MARVELD3: variants seen among roughly 807,000 people sequenced by gnomAD.
MARVELD3 encodes the protein MARVEL domain-containing protein 3.
Under a neutral mutation model 33.5 loss-of-function variants are expected in MARVELD3, and 28 were observed. The ratio of observed to expected loss-of-function variants is 0.84; its 90% CI spans 0.62 to 1.15. MARVELD3 has a LOEUF of 1.15. Ranked by LOEUF, MARVELD3 falls within the 50% of genes most tolerant of loss-of-function variation. The pLI is 0.00. For synonymous variants in MARVELD3, 241 were observed against 230.4 expected (o/e 1.05, Z -0.42); for missense variants, 582 against 547.6 (o/e 1.06, Z -0.63).
intron 2 of MARVELD3, among the ~76,000 whole-genome samples, chr16:71,629,834 G>A (rs770441381): frequency 6.6e-6 from 1 of 152,138 alleles, no homozygotes; most frequent in Non-Finnish European, 1.5e-5. Context: ...GGGATCTTCT[G>A]GCGAGGCAGC....
At chr16:71,627,364 C>T (rs1419103718) in intron 1 of MARVELD3, among the ~76,000 whole-genome samples, 1 of 152,086 alleles carries the variant, frequency 6.6e-6, no homozygotes, top group Non-Finnish European at 1.5e-5. Context: ...CTTAGCCAGG[C>T]GTGATGGCAG....
At position 71,629,422 on chromosome 16, in the gene MARVELD3, G is replaced by T; in HGVS notation, c.523G>T (p.Val175Leu). The T allele has an allele frequency of 6.3e-7, 1 of 1,584,266 alleles. No individual in the cohort carries two copies. Among genetic ancestry groups the T allele is most frequent in the Non-Finnish European group, 8.6e-7 (1 of 1,168,046 alleles). Residue 175 changes from valine (V) to leucine (L), a missense_variant, in exon 2 of 3, where the codon GTG becomes TTG. Val to Leu is a conservative substitution (Grantham distance 32). Transcript: ENST00000268485. ...PSTPRPGREE[V>L]EYYQSEAEGL... ...GACCCCCAGGCCTGGACGAGAGGAG[G>T]TGGAATATTACCAGTCAGAGGCGGA...
At position 71,627,780 on chromosome 16, in the gene MARVELD3, G is replaced by A. The variant is rs111788545; in HGVS notation, c.467+1084G>A. On this transcript the variant is annotated intron_variant, in intron 1 of 2. Coordinates refer to ENST00000268485, the MANE Select transcript of MARVELD3 (RefSeq NM_052858.6). ...ACTCTGTGAGCTAGGGGAGGGTGGG[G>A]GGGGAAGGGAAGACAAGAGGGGACC... 5.7e-3 allele frequency among the ~76,000 whole-genome samples: 868 copies of A among 151,864 alleles called. 14 individuals are homozygous for A. The highest frequency in any genetic ancestry group is 0.02 in the African/African-American group (829 of 41,340).
chr16:71,626,785 G>A lies in MARVELD3; in HGVS notation c.467+89G>A. 1.8e-6 allele frequency: 2 copies of A among 1,117,214 alleles called. No homozygotes were observed. Among genetic ancestry groups the A allele is most frequent in the Non-Finnish European group, 2.4e-6 (2 of 840,478 alleles). The allele number at this position is 1,117,214 out of a possible 1,614,324, so 69.2% of individuals were successfully genotyped here. ...GAGGCCCTGGCGTCCCCGGGTTCTC[G>A]TCCTAGGAGCCCGTTTAAATGAACA... On this transcript the variant is annotated intron_variant, in intron 1 of 2. Coordinates refer to ENST00000268485, the MANE Select transcript of MARVELD3 (RefSeq NM_052858.6). The surrounding 1 kb of genome is among the most constrained non-coding windows in gnomAD (Gnocchi z 5.3).
Position 71,626,855 on chromosome 16 carries a change from G to C in MARVELD3, c.467+159G>C. The C allele has an allele frequency of 1.6e-6, 1 of 641,698 alleles. No individual in the cohort carries two copies. Among genetic ancestry groups the C allele is most frequent in the Non-Finnish European group, 2.4e-6 (1 of 417,462 alleles). 39.8% of individuals were successfully genotyped at this position (641,698 alleles called of 1,614,324 possible). Reference sequence around the variant, plus strand: ...GCGCTCTCAGAGGCGACCTGGCAGGGAAGGAAAACTTTAGGGTTCCCCCTT... The same window carrying C: ...GCGCTCTCAGAGGCGACCTGGCAGGCAAGGAAAACTTTAGGGTTCCCCCTT... On this transcript the variant is annotated intron_variant, in intron 1 of 2. Transcript: ENST00000268485. The surrounding 1 kb of genome is among the most constrained non-coding windows in gnomAD (Gnocchi z 5.3).
rs1340760543 is a variant in MARVELD3, at chr16:71,626,453, G to C, written c.224G>C (p.Arg75Pro). 1 of 1,549,234 alleles carries C rather than the reference G, an allele frequency of 6.5e-7. No homozygotes were observed. The highest frequency in any genetic ancestry group is 2.4e-5 in the East Asian group (1 of 40,892). Residue 75 changes from arginine to proline, a missense_variant, in exon 1 of 3, where the codon CGG becomes CCG. Transcript: ENST00000268485. This position sits in a 1 kb window ranked among gnomAD's most constrained non-coding sequence, Gnocchi z 5.3. ...GGGAACCGCGACCGGAACCGGGACCGGGAGAGGGAGAGAGAGAGGGAAAGA... is the reference window on the plus strand; with the variant it reads ...GGGAACCGCGACCGGAACCGGGACCCGGAGAGGGAGAGAGAGAGGGAAAGA... ...RDGNRDRNRDRERERERERDP... is the reference protein window; with the variant it reads ...RDGNRDRNRDPERERERERDP...
chr16:71,637,578 C>T (rs2044589857), downstream of MARVELD3, among the ~76,000 whole-genome samples: 1 of 152,174 alleles, frequency 6.6e-6, no homozygotes, highest in African/African-American at 2.4e-5. Context: ...TCAGAGCCCT[C>T]AACTACTATG....
intron 1 of MARVELD3, among the ~76,000 whole-genome samples, chr16:71,627,242 C>A (rs2145270225): frequency 6.6e-6 from 1 of 152,376 alleles, no homozygotes; most frequent in South Asian, 2.1e-4. Flanking sequence ...GTGGCTCATG[C>A]CTGTAATCCC....
At chr16:71,631,125 A>G (rs1391249036) in intron 2 of MARVELD3, among the ~76,000 whole-genome samples, 1 of 152,226 alleles carries the variant, frequency 6.6e-6, no homozygotes, top group African/African-American at 2.4e-5. Flanking sequence ...GCATATGATT[A>G]TAGGATTATA....
At chr16:71,640,286 C>T, downstream of MARVELD3, 1 of 1,221,670 alleles carries the variant, frequency 8.2e-7, no homozygotes, top group East Asian at 2.4e-5. Context: ...AAAAAGTTGA[C>T]ATTGAATCAA....
chr16:71,637,026 C>T (rs918502405), downstream of MARVELD3, among the ~76,000 whole-genome samples: 1 of 152,188 alleles, frequency 6.6e-6, no homozygotes, highest in Admixed American at 6.5e-5. Context: ...GCTCGCCACC[C>T]TTTTCCCCTT....
At position 71,629,403 on chromosome 16, in the gene MARVELD3, C is replaced by T; in HGVS notation, c.504C>T (p.Pro168=). ...CGGAGAGATATCTGCCCTCGACCCC[C>T]AGGCCTGGACGAGAGGAGGTGGAAT... ...PPSERYLPST[P]RPGREEVEYY... is the part of the protein sequence containing the mutation. Residue 168 remains proline (P), a synonymous_variant, in exon 2 of 3, where the codon CCC becomes CCT. Transcript: ENST00000268485. The T allele has an allele frequency of 6.4e-7, 1 of 1,574,458 alleles. No individual in the cohort carries two copies. Among genetic ancestry groups the T allele is most frequent in the Middle Eastern group, 1.7e-4 (1 of 5,986 alleles).
downstream of MARVELD3, chr16:71,638,124 G>A (rs2044593545): frequency 6.6e-6 from 1 of 152,206 alleles, no homozygotes; most frequent in South Asian, 2.1e-4. Flanking sequence ...CCACGGGAAT[G>A]GCAGGAGACC....
At position 71,626,899 on chromosome 16, in the gene MARVELD3, C is replaced by A; in HGVS notation, c.467+203C>A. On this transcript the variant is annotated intron_variant, in intron 1 of 2. Coordinates refer to ENST00000268485, the MANE Select transcript of MARVELD3 (RefSeq NM_052858.6). This position sits in a 1 kb window ranked among gnomAD's most constrained non-coding sequence, Gnocchi z 5.3. ...CCCCCTTCTCGTGGCCTGAACCCAA[C>A]TAACAAAGCAAAAACCACCCCTGTG... is the stretch of plus-strand genomic sequence containing the variant. 2 of 497,074 alleles carry A rather than the reference C, an allele frequency of 4.0e-6. No homozygotes were observed. Among genetic ancestry groups the A allele is most frequent in the East Asian group, 3.5e-5 (1 of 28,440 alleles). The allele number at this position is 497,074 out of a possible 1,614,324, so 30.8% of individuals were successfully genotyped here.
At chr16:71,637,809 G>C (rs2044591237), downstream of MARVELD3, 1 of 152,026 alleles carries the variant, frequency 6.6e-6, no homozygotes, top group Non-Finnish European at 1.5e-5. Context: ...CTTCCATTTT[G>C]GAAACATTAC....
chr16:71,634,281 C>A lies in MARVELD3; in HGVS notation c.684C>A (p.Gly228=). 6.2e-7 allele frequency: 1 copy of A among 1,614,208 alleles called. No individual in the cohort carries two copies. The highest frequency in any genetic ancestry group is 1.1e-5 in the South Asian group (1 of 91,088). The part of the protein sequence containing the change: ...VSYSSTGGYT[G]ITSLGGIYYY... ...ACAGTTCCACAGGGGGCTACACGGG[C>A]ATCACCAGCTTGGGGGGCATTTACT... Residue 228 remains glycine (G), a synonymous_variant, in exon 3 of 3, where the codon GGC becomes GGA. Transcript: ENST00000268485.
chr16:71,627,387 C>A (rs1255182835), intron 1 of MARVELD3, among the ~76,000 whole-genome samples: 1 of 152,104 alleles, frequency 6.6e-6, no homozygotes, highest in Non-Finnish European at 1.5e-5. Context: ...GCCTGTAATC[C>A]CAGCTACTTG....
At chr16:71,636,838 A>T (rs1480616267), downstream of MARVELD3, among the ~76,000 whole-genome samples, 1 of 152,110 alleles carries the variant, frequency 6.6e-6, no homozygotes, top group Non-Finnish European at 1.5e-5. Flanking sequence ...TGATCCACCC[A>T]CCTCAGCCTC....
intron 1 of MARVELD3, among the ~76,000 whole-genome samples, chr16:71,627,948 G>T (rs866455638): frequency 1.3e-5 from 2 of 152,232 alleles, no homozygotes; most frequent in South Asian, 4.1e-4. Flanking sequence ...GGTGACGACT[G>T]CTTCTGGTTT....
Sources: gnomAD v4.1 joint callset for allele counts (sites outside exome capture counted in the v4.1 genomes callset) on GRCh38, gnomAD v4.1.1 for gene constraint, Gnocchi (gnomAD v3.1) non-coding constraint, MANE v1.5 for transcripts, NCBI Gene and HGNC (gene_info 2026-07-23, HGNC 2026-07-21) for gene names.